The following LRBA variants were observed in gnomAD, a reference collection of about 807,000 sequenced individuals.
The protein encoded by LRBA is lipopolysaccharide-responsive and beige-like anchor protein.
LRBA carries 176 observed loss-of-function variants against 330.0 expected under a neutral mutation model. The ratio of observed to expected loss-of-function variants is 0.53; its 90% CI spans 0.47 to 0.60. The LOEUF is 0.60. Among genes scored for constraint, LRBA ranks in the 20% least tolerant of loss-of-function variants. The pLI, the probability that LRBA is intolerant of heterozygous loss-of-function variation, is 0.00. For missense variants in LRBA, 3,259 were observed against 3,444.8 expected (o/e 0.95, Z 1.35); for synonymous variants, 1,230 against 1,193.0 (o/e 1.03, Z -0.64).
intron 47 of LRBA, among the ~76,000 whole-genome samples, chr4:150,391,188 G>A (rs1027809286): frequency 1.3e-5 from 2 of 152,064 alleles, no homozygotes; most frequent in East Asian, 1.9e-4. Context: ...GTGGATATAC[G>A]GGGTGACTGC....
In LRBA at chr4:150,614,979, G is replaced by C. The variant is rs571912056; in HGVS notation, c.5922-15848C>G. 2.4e-4 allele frequency among the ~76,000 whole-genome samples: 36 copies of C among 152,304 alleles called. 1 individual carries two copies. Among genetic ancestry groups the C allele is most frequent in the South Asian group, 1.9e-3 (9 of 4,826 alleles). ...GACAGAAAATACAAGGGAGGTAATA[G>C]GGAACATGTTAACATCTCAAGTAAG... On this transcript the variant is annotated intron_variant, in intron 37 of 56. Coordinates refer to ENST00000651943, the MANE Select transcript of LRBA (RefSeq NM_001364905.1).
chr4:150,422,619 G>T (rs955254267), intron 46 of LRBA: 59 of 590,894 alleles, frequency 1.0e-4, no homozygotes, highest in African/African-American at 1.5e-4. Flanking sequence ...AAGGGACAAG[G>T]TTCCATGAAG....
intron 34 of LRBA, among the ~76,000 whole-genome samples, chr4:150,775,111 T>A (rs1361755504): frequency 6.6e-6 from 1 of 152,092 alleles, no homozygotes; most frequent in Admixed American, 6.6e-5. Context: ...ATCCAATTAC[T>A]CCCAATGCGT....
intron 35 of LRBA, among the ~76,000 whole-genome samples, chr4:150,740,595 A>C (rs564295750): frequency 6.6e-6 from 1 of 151,956 alleles, no homozygotes; most frequent in Non-Finnish European, 1.5e-5. Flanking sequence ...ATGTAGGAAA[A>C]AGAAACAAAA....
intron 22 of LRBA, among the ~76,000 whole-genome samples, chr4:150,853,661 A>G (rs1260245012): frequency 6.6e-6 from 1 of 152,188 alleles, no homozygotes; most frequent in African/African-American, 2.4e-5. Flanking sequence ...CAAATGGGAA[A>G]AAACTGAAAA....
chr4:150,942,766 A>C (rs1051352396), intron 2 of LRBA, among the ~76,000 whole-genome samples: 3 of 149,018 alleles, frequency 2.0e-5, no homozygotes, highest in Admixed American at 6.7e-5. Context: ...ATAAAGGAAC[A>C]AAAAAAAAAT....
chr4:150,493,919 A>T (rs1759259873), intron 40 of LRBA, among the ~76,000 whole-genome samples: 1 of 152,150 alleles, frequency 6.6e-6, no homozygotes, highest in Middle Eastern at 3.2e-3. Flanking sequence ...CCTCATCTCT[A>T]CAAAAAATTA....
intron 17 of LRBA, among the ~76,000 whole-genome samples, chr4:150,891,094 A>G (rs1729412454): frequency 6.6e-6 from 1 of 152,204 alleles, no homozygotes; most frequent in South Asian, 2.1e-4. Context: ...AAATTCAGTT[A>G]TTAGATAGGA....
chr4:150,675,070 AG>A (rs1336482172), intron 37 of LRBA, among the ~76,000 whole-genome samples: 1 of 152,014 alleles, frequency 6.6e-6, no homozygotes. Context: ...AAAAAAAAAT[AG>A]CCAGATGTGG....
intron 37 of LRBA, among the ~76,000 whole-genome samples, chr4:150,634,482 C>T (rs959106907): frequency 6.6e-6 from 1 of 151,958 alleles, no homozygotes; most frequent in Non-Finnish European, 1.5e-5. Flanking sequence ...ATTCAATGAA[C>T]AAGATAAAAT....
In LRBA at chr4:150,852,021, C is replaced by A. The variant is rs34708681; in HGVS notation, c.3689G>T (p.Gly1230Val). Reference protein sequence around the residue: ...RETKLINDCHGSVSEASSEQK... With the variant: ...RETKLINDCHVSVSEASSEQK... ...CTCAGAAGAAGCCTCAGAGACACTACCATGACAATCATTAATTAATTTGGT... is the reference window on the plus strand; with the variant it reads ...CTCAGAAGAAGCCTCAGAGACACTAACATGACAATCATTAATTAATTTGGT... The change falls in exon 23 of 57, where the codon GGT becomes GTT. Residue 1230 changes from glycine (G) to valine (V), a missense_variant. Transcript: ENST00000651943. 12 of 1,614,080 alleles carry A rather than the reference C, an allele frequency of 7.4e-6. 1 individual carries two copies. The South Asian group carries it at 1.3e-4, about 18-fold the overall frequency.
At chr4:150,919,932 T>G (rs760165405) in intron 5 of LRBA, among the ~76,000 whole-genome samples, 1 of 152,080 alleles carries the variant, frequency 6.6e-6, no homozygotes, top group Non-Finnish European at 1.5e-5. Context: ...AAGGTTAATC[T>G]CATAAGAACA....
At chr4:150,658,506 TCTC>T (rs201470017) in intron 37 of LRBA, among the ~76,000 whole-genome samples, 2 of 428 alleles carry the variant, frequency 4.7e-3, no homozygotes, top group African/African-American at 0.019. Flanking sequence ...AAAATAAAAG[TCTC>T]CCTCTCCCTC....
intron 2 of LRBA, among the ~76,000 whole-genome samples, chr4:150,937,063 G>A (rs1561029588): frequency 6.6e-6 from 1 of 151,952 alleles, no homozygotes; most frequent in Admixed American, 6.6e-5. Flanking sequence ...TATTTCACCA[G>A]CTTTTAAACT....
chr4:150,766,954 T>C (rs1194790603), intron 34 of LRBA, among the ~76,000 whole-genome samples: 1 of 152,174 alleles, frequency 6.6e-6, no homozygotes, highest in Non-Finnish European at 1.5e-5. Context: ...AGTCAATTTT[T>C]ACTAAAATAT....
At chr4:150,820,945 T>G (rs985056783) in intron 30 of LRBA, among the ~76,000 whole-genome samples, 3 of 152,062 alleles carry the variant, frequency 2.0e-5, no homozygotes, top group Non-Finnish European at 4.4e-5. Context: ...AAACTAAGCA[T>G]TTAATATTAC....
intron 54 of LRBA, among the ~76,000 whole-genome samples, chr4:150,285,202 CA>C (rs988283058): frequency 1.3e-5 from 2 of 152,140 alleles, no homozygotes; most frequent in African/African-American, 4.8e-5. Flanking sequence ...CAGATAAACC[CA>C]AAAGATGTGA....
At chr4:150,277,670 A>ATT (rs536014624) in intron 56 of LRBA, among the ~76,000 whole-genome samples, 183 bp downstream of exon 56, 2 of 151,456 alleles carry the variant, frequency 1.3e-5, no homozygotes, top group African/African-American at 4.8e-5. Context: ...TGAAAAAAAA[A>ATT]TTTTTTTTTT....
At chr4:150,393,658 A>C (rs1191533179) in intron 47 of LRBA, among the ~76,000 whole-genome samples, 1 of 152,082 alleles carries the variant, frequency 6.6e-6, no homozygotes, top group East Asian at 1.9e-4. Flanking sequence ...CTAATTGTTT[A>C]AACTTTTTGT....
Sources: allele counts gnomAD v4.1 joint callset (sites outside exome capture counted in the v4.1 genomes callset), GRCh38; gene constraint gnomAD v4.1.1; transcripts MANE v1.5; gene names NCBI Gene and HGNC (gene_info 2026-07-23, HGNC 2026-07-21).